SLC1A1: variants seen among roughly 807,000 people sequenced by gnomAD.
SLC1A1 encodes the protein solute carrier family 1 member 1.
In SLC1A1, 43 loss-of-function variants were observed where a neutral mutation model predicts 53.3. The observed-to-expected ratio is 0.81, with a 90% CI of 0.63 to 1.04. The LOEUF is 1.04. SLC1A1 is among the 50% of genes least tolerant of loss of function. The probability of loss-of-function intolerance (pLI) is 0.00; values close to 1 mark genes in which losing one functional copy is unlikely to be tolerated. For synonymous variants in SLC1A1, 307 were observed against 243.2 expected (o/e 1.26, Z -2.44); for missense variants, 748 against 664.9 (o/e 1.12, Z -1.37).
At chr9:4,519,219 T>C (rs1815978013) in intron 1 of SLC1A1, among the ~76,000 whole-genome samples, 1 of 152,262 alleles carries the variant, frequency 6.6e-6, no homozygotes, top group African/African-American at 2.4e-5. Flanking sequence ...TAACTATTTG[T>C]ATAATTTGAA....
intron 1 of SLC1A1, among the ~76,000 whole-genome samples, chr9:4,491,101 T>C (rs147687005): frequency 2.0e-3 from 307 of 152,338 alleles, no homozygotes; most frequent in African/African-American, 7.1e-3. Flanking sequence ...TCGATTTTTT[T>C]CTTTGTTAAT....
At position 4,490,742 on chromosome 9, in the gene SLC1A1, G is replaced by A; in HGVS notation, c.63G>A (p.Leu21=). 6.2e-7 allele frequency: 1 copy of A among 1,612,790 alleles called. No individual in the cohort carries two copies. Among genetic ancestry groups the A allele is most frequent in the Non-Finnish European group, 8.5e-7 (1 of 1,179,066 alleles). The change falls in exon 1 of 12, where the codon TTG becomes TTA. Residue 21 remains leucine, a synonymous_variant. Transcript: ENST00000262352. ...GCTTCCTGAAGAATAACTGGGTGTT[G>A]CTGTCCACCGTGGCCGCGGTGGTGC... ...WKRFLKNNWV[L]LSTVAAVVLG...
Position 4,583,752 on chromosome 9 carries a change from A to G in SLC1A1, c.1328+580A>G, listed in dbSNP as rs74434999. On this transcript the variant is annotated intron_variant, in intron 11 of 11. Coordinates refer to ENST00000262352, the MANE Select transcript of SLC1A1 (RefSeq NM_004170.6). This position sits in a 1 kb window ranked among gnomAD's most constrained non-coding sequence, Gnocchi z 4.6. ...CTGAGTGAGCTCATGTGAGTGGAGC[A>G]TCTAGAACAGCGTTTGGCAGCCCAT... Among the ~76,000 whole-genome samples the G allele has an allele frequency of 0.044, 6,743 of 152,246 alleles. 356 individuals carry two copies. The highest frequency in any genetic ancestry group is 0.13 in the African/African-American group (5,369 of 41,500).
chr9:4,528,246 A>G (rs908160017), intron 1 of SLC1A1, among the ~76,000 whole-genome samples: 110 of 152,186 alleles, frequency 7.2e-4, no homozygotes, highest in African/African-American at 2.6e-3. Context: ...TGCATGGAAA[A>G]TCTTGGAGGA....
At chr9:4,497,529 G>C (rs1358565509) in intron 1 of SLC1A1, among the ~76,000 whole-genome samples, 1 of 152,142 alleles carries the variant, frequency 6.6e-6, no homozygotes, top group Admixed American at 6.6e-5. Context: ...CAGAGAGTTA[G>C]TAAAATGTTG....
At chr9:4,511,266 C>A (rs932081257) in intron 1 of SLC1A1, among the ~76,000 whole-genome samples, 3 of 152,124 alleles carry the variant, frequency 2.0e-5, no homozygotes, top group African/African-American at 7.2e-5. Context: ...ATCAAGGTGC[C>A]ATTAGATTCC....
intron 1 of SLC1A1, among the ~76,000 whole-genome samples, chr9:4,505,303 C>T (rs1160395738): frequency 6.6e-6 from 1 of 152,074 alleles, no homozygotes; most frequent in Non-Finnish European, 1.5e-5. Context: ...CCTGCCTTGG[C>T]CTCCCAAAGA....
rs1819460766 is a variant in SLC1A1, at chr9:4,566,096, T to C, written c.483+7T>C. On this transcript the variant is annotated splice_region_variant and intron_variant, in intron 5 of 11. Transcript: ENST00000262352. ...CCAGGCCTGTTTTCAGCAGGTAATA[T>C]TAATTACTTGTGCCCTTAACTTGCT... is the stretch of plus-strand genomic sequence containing the variant. The C allele has an allele frequency of 6.2e-7, 1 of 1,609,242 alleles. No individual in the cohort carries two copies. Among genetic ancestry groups the C allele is most frequent in the Non-Finnish European group, 8.5e-7 (1 of 1,175,778 alleles).
Position 4,490,781 on chromosome 9 carries a change from C to G in SLC1A1, c.91+11C>G. ...CCGCGGTGGTGCTAGGTGAGCGGCG[C>G]GGCGGGTGGGCGATGCGCGCACCCT... On this transcript the variant is annotated intron_variant, in intron 1 of 11. Coordinates refer to ENST00000262352, the MANE Select transcript of SLC1A1 (RefSeq NM_004170.6). The G allele has an allele frequency of 6.2e-7, 1 of 1,608,322 alleles. No homozygotes were observed. Among genetic ancestry groups the G allele is most frequent in the Non-Finnish European group, 8.5e-7 (1 of 1,175,780 alleles).
chr9:4,505,220 T>C (rs1722281720), intron 1 of SLC1A1, among the ~76,000 whole-genome samples: 1 of 151,922 alleles, frequency 6.6e-6, no homozygotes, highest in African/African-American at 2.4e-5. Flanking sequence ...CTAATTTTTT[T>C]GTATTTTTAA....
chr9:4,551,387 C>A lies in SLC1A1; in HGVS notation c.232+6680C>A, dbSNP rs187035004. On this transcript the variant is annotated intron_variant, in intron 2 of 11. Transcript: ENST00000262352. ...TGCATGAAAACAGACTAACAGAAAA[C>A]CAGGTATAAGAGGGTGAGGCCCTAC... Among the ~76,000 whole-genome samples, 39 of 152,134 alleles carry A rather than the reference C, an allele frequency of 2.6e-4. 1 individual carries two copies. The East Asian group carries it at 7.5e-3, about 29-fold the overall frequency.
chr9:4,573,659 C>G (rs1478594954), intron 7 of SLC1A1, among the ~76,000 whole-genome samples: 1 of 152,026 alleles, frequency 6.6e-6, no homozygotes, highest in Non-Finnish European at 1.5e-5. Flanking sequence ...ATGTTCTTGC[C>G]AAGTTTGCAA....
rs1564070716 is a variant in SLC1A1 at position 4,583,886 on chromosome 9, A to ACT, written c.1328+715_1328+716insTC. Among the ~76,000 whole-genome samples, 1 of 138,604 alleles carries ACT rather than the reference A, an allele frequency of 7.2e-6. No homozygotes were observed. The highest frequency in any genetic ancestry group is 2.8e-5 in the African/African-American group (1 of 35,930). 90.9% of individuals were successfully genotyped at this position (138,604 alleles called of 152,430 possible). A position where few individuals can be genotyped will look rare whatever the true frequency, so the allele number is the denominator to read the frequency against. On this transcript the variant is annotated intron_variant, in intron 11 of 11. Coordinates refer to ENST00000262352, the MANE Select transcript of SLC1A1 (RefSeq NM_004170.6). The surrounding 1 kb of genome is among the most constrained non-coding windows in gnomAD (Gnocchi z 4.6). ...CTCTCTCTCTCTCTCTCTCTCTCAC[A>ACT]CACACACACACACACACACACACAC...
At position 4,587,204 on chromosome 9, in the gene SLC1A1, G is replaced by A. The variant is rs1248931598; in HGVS notation, c.*1646G>A. 1 of 152,470 alleles carries A rather than the reference G, an allele frequency of 6.6e-6. No homozygotes were observed. Among genetic ancestry groups the A allele is most frequent in the Non-Finnish European group, 1.5e-5 (1 of 68,016 alleles). 9.4% of individuals were successfully genotyped at this position (152,470 alleles called of 1,614,324 possible). A position where few individuals can be genotyped will look rare whatever the true frequency, so the allele number is the denominator to read the frequency against. On this transcript the variant is annotated 3_prime_UTR_variant, in exon 12 of 12. Transcript: ENST00000262352. ...TAAATAGTAAATAATGATTCAATGTGAATTTTAAAATGCAAATATTGCTAT... is the reference window on the plus strand; with the variant it reads ...TAAATAGTAAATAATGATTCAATGTAAATTTTAAAATGCAAATATTGCTAT...
At chr9:4,551,171 G>A (rs1396940403) in intron 2 of SLC1A1, among the ~76,000 whole-genome samples, 1 of 152,168 alleles carries the variant, frequency 6.6e-6, no homozygotes, top group Non-Finnish European at 1.5e-5. Context: ...GTAAACTCAG[G>A]CTTTACAGCA....
chr9:4,556,944 T>C lies in SLC1A1; in HGVS notation c.233-4505T>C, dbSNP rs1383546602. 2.0e-5 allele frequency among the ~76,000 whole-genome samples: 3 copies of C among 152,060 alleles called. No individual in the cohort carries two copies. Among genetic ancestry groups the C allele is most frequent in the East Asian group, 3.8e-4 (2 of 5,198 alleles). ...CAACAACAACAACAATAAAACAAGG[T>C]TGAAAAAGACTGAGATGTTACATGT... On this transcript the variant is annotated intron_variant, in intron 2 of 11. Coordinates refer to ENST00000262352, the MANE Select transcript of SLC1A1 (RefSeq NM_004170.6). The surrounding 1 kb of genome is among the most constrained non-coding windows in gnomAD (Gnocchi z 4.1).
At chr9:4,494,645 TTAAA>T (rs1820349192) in intron 1 of SLC1A1, among the ~76,000 whole-genome samples, 1 of 150,726 alleles carries the variant, frequency 6.6e-6, no homozygotes, top group South Asian at 2.1e-4. Context: ...AATATAATAT[TTAAA>T]TATATAATTT....
chr9:4,551,489 T>C (rs760660682), intron 2 of SLC1A1, among the ~76,000 whole-genome samples: 3 of 152,220 alleles, frequency 2.0e-5, no homozygotes, highest in Non-Finnish European at 2.9e-5. Context: ...TTGCAAGACT[T>C]GAAGACGCAT....
At position 4,549,353 on chromosome 9, in the gene SLC1A1, A is replaced by G. The variant is rs544779095; in HGVS notation, c.232+4646A>G. Among the ~76,000 whole-genome samples the G allele has an allele frequency of 1.0e-3, 152 of 152,196 alleles. No homozygotes were observed. The highest frequency in any genetic ancestry group is 3.4e-3 in the African/African-American group (141 of 41,528). On this transcript the variant is annotated intron_variant, in intron 2 of 11. Transcript: ENST00000262352. The surrounding 1 kb of genome is among the most constrained non-coding windows in gnomAD (Gnocchi z 4.1). ...GTTCCGCTCTTTGCTCCTCCATCCT[A>G]AGACAGGAGCAGAAGCTTAATTCTC...
Sources: allele counts gnomAD v4.1 joint callset (sites outside exome capture counted in the v4.1 genomes callset), GRCh38; gene constraint gnomAD v4.1.1; non-coding constraint Gnocchi (gnomAD v3.1); transcripts MANE v1.5; gene names NCBI Gene and HGNC (gene_info 2026-07-23, HGNC 2026-07-21).